SPATA6L: variants seen among roughly 807,000 people sequenced by gnomAD.
SPATA6L encodes spermatogenesis associated 6 like.
A neutral mutation model predicts 49.2 loss-of-function variants in SPATA6L; 68 were observed. The observed-to-expected ratio is 1.38, with a 90% CI of 1.14 to 1.69. The LOEUF is 1.69. SPATA6L is among the 40% of genes most tolerant of loss of function. SPATA6L has a pLI of 0.00. For missense variants in SPATA6L, 668 were observed against 464.3 expected, an observed-to-expected ratio of 1.44 and a Z score of -4.03; for synonymous variants, 198 against 165.7, an observed-to-expected ratio of 1.19 and a Z score of -1.50.
At chr9:4,596,280 C>G (rs1447781736), downstream of SPATA6L, among the ~76,000 whole-genome samples, 1 of 152,116 alleles carries the variant, frequency 6.6e-6, no homozygotes, top group Non-Finnish European at 1.5e-5. Flanking sequence ...TTGAGTGGGT[C>G]CATGCGAGGC....
chr9:4,606,692 G>GA (rs1181533163), intron 9 of SPATA6L, among the ~76,000 whole-genome samples: 5 of 131,410 alleles, frequency 3.8e-5, no homozygotes, highest in Non-Finnish European at 6.4e-5. Flanking sequence ...CAAAGATGGG[G>GA]AAAAAACAGA....
At chr9:4,589,254 T>G (rs867740199) in intron 13 of SPATA6L, among the ~76,000 whole-genome samples, 4 of 152,326 alleles carry the variant, frequency 2.6e-5, no homozygotes, top group Middle Eastern at 3.4e-3. Context: ...ACAGACTATG[T>G]CTAACGAATG....
In SPATA6L at chr9:4,599,841, C is replaced by G. The variant is rs549366365; in HGVS notation, c.*970G>C. Among the ~76,000 whole-genome samples the G allele has an allele frequency of 3.5e-4, 54 of 152,300 alleles. No individual in the cohort carries two copies. The highest frequency in any genetic ancestry group is 1.3e-3 in the African/African-American group (54 of 41,550). Reference sequence around the variant, plus strand: ...TGTTGAGGGGACACAAACATTCACACTATAGTAGGGCTGGTAGAGGAAAAT... The same window carrying G: ...TGTTGAGGGGACACAAACATTCACAGTATAGTAGGGCTGGTAGAGGAAAAT... On this transcript the variant is annotated 3_prime_UTR_variant, in exon 12 of 12. Transcript: ENST00000682582.
rs1292457194 is a variant in SPATA6L at position 4,598,884 on chromosome 9, G to A, written c.*1927C>T. Among the ~76,000 whole-genome samples the A allele has an allele frequency of 6.6e-6, 1 of 152,234 alleles. No individual in the cohort carries two copies. The highest frequency in any genetic ancestry group is 2.4e-5 in the African/African-American group (1 of 41,456). On this transcript the variant is annotated 3_prime_UTR_variant, in exon 12 of 12. Transcript: ENST00000682582. ...GCATATGTAATTTAAGCTTGCTGTTGGCCTTGCCAAGGTGGAATGCTGGTT... is the reference window on the plus strand; with the variant it reads ...GCATATGTAATTTAAGCTTGCTGTTAGCCTTGCCAAGGTGGAATGCTGGTT...
chr9:4,625,150 G>C (rs527869046), intron 6 of SPATA6L, 177 bp downstream of exon 6: 1 of 1,196,024 alleles, frequency 8.4e-7, no homozygotes, highest in African/African-American at 1.6e-5. Flanking sequence ...ACCTTTCTAG[G>C]GGTTTCCTGA....
chr9:4,648,405 ATTATAAGTTC>A (rs1000358582), intron 3 of SPATA6L, among the ~76,000 whole-genome samples: 9 of 152,034 alleles, frequency 5.9e-5, no homozygotes, highest in African/African-American at 2.2e-4. Context: ...ATGGTGTTTG[ATTATAAGTTC>A]TTGGCTGGGC....
chr9:4,597,516 C>A (rs1033238437), downstream of SPATA6L, among the ~76,000 whole-genome samples: 6 of 152,132 alleles, frequency 3.9e-5, no homozygotes, highest in African/African-American at 1.2e-4. Flanking sequence ...CCATCTGCAC[C>A]ATGTAAAAGC....
intron 4 of SPATA6L, 52 bp downstream of exon 4, chr9:4,635,223 G>A: frequency 2.1e-6 from 3 of 1,459,068 alleles, no homozygotes; most frequent in Non-Finnish European, 2.7e-6. Context: ...AAACGTTCAG[G>A]TCCCAAGAGT....
At chr9:4,636,840 C>T (rs10974691) in intron 3 of SPATA6L, among the ~76,000 whole-genome samples, 1,526 of 152,244 alleles carry the variant, frequency 0.01, 27 homozygotes, top group African/African-American at 0.034. Flanking sequence ...CTCGTGTGCT[C>T]CCAGCCACGC....
intron 5 of SPATA6L, chr9:4,628,887 C>T (rs1433789584): frequency 4.1e-6 from 2 of 492,828 alleles, no homozygotes; most frequent in Non-Finnish European, 7.1e-6. Context: ...CATCATGCTG[C>T]CAAACGTATG....
At chr9:4,654,708 C>G (rs940288855) in intron 3 of SPATA6L, among the ~76,000 whole-genome samples, 1 of 152,156 alleles carries the variant, frequency 6.6e-6, no homozygotes, top group African/African-American at 2.4e-5. Context: ...CGGCTCTCTT[C>G]CAACTGCCCC....
At chr9:4,648,374 C>G (rs563251212) in intron 3 of SPATA6L, among the ~76,000 whole-genome samples, 3 of 152,140 alleles carry the variant, frequency 2.0e-5, no homozygotes, top group East Asian at 3.9e-4. Flanking sequence ...TTTTTTATTT[C>G]CACAGGTTAT....
intron 1 of SPATA6L, among the ~76,000 whole-genome samples, chr9:4,665,697 G>A (rs993126744): frequency 1.3e-5 from 2 of 152,230 alleles, no homozygotes; most frequent in African/African-American, 4.8e-5. Flanking sequence ...CTTCACTTAG[G>A]AAGGATTTGG....
chr9:4,657,560 A>AC (rs1838578344), intron 2 of SPATA6L, among the ~76,000 whole-genome samples: 1 of 148,982 alleles, frequency 6.7e-6, no homozygotes, highest in Non-Finnish European at 1.5e-5. Flanking sequence ...GAAAAAGAAA[A>AC]GAAAAAAAAC....
chr9:4,662,421 T>A lies in SPATA6L; in HGVS notation c.40-385A>T. The A allele has an allele frequency of 6.5e-7, 1 of 1,539,394 alleles. No homozygotes were observed. The highest frequency in any genetic ancestry group is 8.7e-7 in the Non-Finnish European group (1 of 1,150,992). Reference sequence around the variant, plus strand: ...CATGGAGGGACGGCCGCTGGGCGTCTCCGCTTCGAGCAGCAGCAGCAGCCC... The same window carrying A: ...CATGGAGGGACGGCCGCTGGGCGTCACCGCTTCGAGCAGCAGCAGCAGCCC... On this transcript the variant is annotated intron_variant, in intron 1 of 11. Transcript: ENST00000682582. The surrounding 1 kb of genome is among the most constrained non-coding windows in gnomAD (Gnocchi z 4.9).
chr9:4,617,596 CT>C (rs1214454101), intron 9 of SPATA6L: 4 of 215,998 alleles, frequency 1.9e-5, no homozygotes, highest in South Asian at 3.6e-4. Context: ...TTTTTTTCCA[CT>C]TTTTTTTCTG....
At chr9:4,610,583 T>C (rs1422714194) in intron 9 of SPATA6L, among the ~76,000 whole-genome samples, 1 of 150,554 alleles carries the variant, frequency 6.6e-6, no homozygotes, top group Non-Finnish European at 1.5e-5. Context: ...CTGGGAAAAC[T>C]GGCTAGCCAT....
At chr9:4,594,042 G>A (rs1173029265), downstream of SPATA6L, among the ~76,000 whole-genome samples, 2 of 152,142 alleles carry the variant, frequency 1.3e-5, no homozygotes, top group Non-Finnish European at 2.9e-5. Flanking sequence ...AGCTGCCCTT[G>A]GTTTCTCCTG....
At chr9:4,647,742 C>T (rs1460659293) in intron 3 of SPATA6L, among the ~76,000 whole-genome samples, 2 of 151,446 alleles carry the variant, frequency 1.3e-5, no homozygotes, top group African/African-American at 4.8e-5. Flanking sequence ...TTTAAGATAA[C>T]TTAAATGATA....
Sources: gnomAD v4.1 joint callset for allele counts (sites outside exome capture counted in the v4.1 genomes callset) on GRCh38, gnomAD v4.1.1 for gene constraint, Gnocchi (gnomAD v3.1) non-coding constraint, MANE v1.5 for transcripts, NCBI Gene and HGNC (gene_info 2026-07-23, HGNC 2026-07-21) for gene names.